MCM4: variants seen among roughly 807,000 people sequenced by gnomAD.
MCM4 encodes minichromosome maintenance complex component 4, also known as DNA replication licensing factor MCM4.
In MCM4, 60 loss-of-function variants were observed where a neutral mutation model predicts 88.7. The ratio of observed to expected loss-of-function variants is 0.68; its 90% confidence interval spans 0.55 to 0.84. The LOEUF is 0.84. MCM4 is among the 40% of genes least tolerant of loss of function. The pLI, the probability that MCM4 is intolerant of heterozygous loss-of-function variation, is 0.00. For missense variants in MCM4, 1,149 were observed against 1,105.5 expected (o/e 1.04, Z -0.56); for synonymous variants, 465 against 410.5 (o/e 1.13, Z -1.61).
At chr8:47,961,744 G>T in intron 3 of MCM4, 64 bp downstream of exon 3, 2 of 1,531,248 alleles carry the variant, frequency 1.3e-6, no homozygotes, top group Non-Finnish European at 1.8e-6. Context: ...ATCTGCTCAG[G>T]TTTACTGGCT....
In MCM4 at chr8:47,961,757, A is replaced by T. The variant is rs17334312; in HGVS notation, c.235+77A>T. 6 of 1,509,972 alleles carry T rather than the reference A, an allele frequency of 4.0e-6. No homozygotes were observed. The Admixed American group carries it at 6.3e-5, about 16-fold the overall frequency. 93.5% of individuals were successfully genotyped at this position (1,509,972 alleles called of 1,614,324 possible). A position where few individuals can be genotyped will look rare whatever the true frequency, so the allele number is the denominator to read the frequency against. ...TTATCTGCTCAGGTTTACTGGCTTTATAACAGTTGGCATAACGCCTAAAGC... is the reference window on the plus strand; with the variant it reads ...TTATCTGCTCAGGTTTACTGGCTTTTTAACAGTTGGCATAACGCCTAAAGC... On this transcript the variant is annotated intron_variant, in intron 3 of 16. Transcript: ENST00000649973.
rs1444976372 is a variant in MCM4 at position 47,976,959 on chromosome 8, A to G, written c.*181A>G. On this transcript the variant is annotated 3_prime_UTR_variant, in exon 17 of 17. Coordinates refer to ENST00000649973, the MANE Select transcript of MCM4 (RefSeq NM_182746.3). ...TGAAGTATCTGTTTTCATTTTTTTC[A>G]CGTTATAAATAAAAATACTATGCTG... 6.0e-6 allele frequency: 3 copies of G among 502,376 alleles called. No individual in the cohort carries two copies. Among genetic ancestry groups the G allele is most frequent in the Non-Finnish European group, 1.1e-5 (3 of 276,938 alleles). 31.1% of individuals were successfully genotyped at this position (502,376 alleles called of 1,614,324 possible).
At position 47,961,565 on chromosome 8, in the gene MCM4, G is replaced by A. The variant is rs2090835772; in HGVS notation, c.120G>A (p.Glu40=). The change falls in exon 3 of 17, where the codon GAG becomes GAA. Residue 40 remains glutamate (E), a synonymous_variant. Coordinates refer to ENST00000649973, the MANE Select transcript of MCM4 (RefSeq NM_182746.3). ...RSSPSQRRRG[E]DSTSTGELQP... ...CTCCCTCTCAGAGACGTAGAGGCGA[G>A]GATTCCACCTCCACGGGGGAGTTGC... 2 of 1,614,052 alleles carry A rather than the reference G, an allele frequency of 1.2e-6. No individual in the cohort carries two copies. Among genetic ancestry groups the A allele is most frequent in the Non-Finnish European group, 1.7e-6 (2 of 1,180,042 alleles).
At position 47,966,289 on chromosome 8, in the gene MCM4, C is replaced by A; in HGVS notation, c.935C>A (p.Thr312Lys). 1.9e-6 allele frequency: 3 copies of A among 1,614,102 alleles called. No individual in the cohort carries two copies. Among genetic ancestry groups the A allele is most frequent in the Non-Finnish European group, 2.5e-6 (3 of 1,180,038 alleles). ...TTCCAGTGCCAAGTGTGTGCCCACA[C>A]GACCCGGGTGGAGATGGACCGCGGC... Reference protein sequence around the residue: ...AFFQCQVCAHTTRVEMDRGRI... With the variant: ...AFFQCQVCAHKTRVEMDRGRI... The change falls in exon 9 of 17, where the codon ACG becomes AAG. Residue 312 changes from threonine to lysine, a missense_variant. Transcript: ENST00000649973.
chr8:47,975,440 T>C (rs2090993136), intron 15 of MCM4: 1 of 218,512 alleles, frequency 4.6e-6, no homozygotes, highest in African/African-American at 2.3e-5. Context: ...TTCTGTCTCC[T>C]TGACTGTCTG....
At chr8:47,961,268 T>A in intron 2 of MCM4, 54 bp downstream of exon 2, 1 of 1,433,966 alleles carries the variant, frequency 7.0e-7, no homozygotes. Flanking sequence ...CCGTCTGCCC[T>A]CTCGCCGCAG....
chr8:47,974,694 A>G (rs1589834549), intron 14 of MCM4, 40 bp from the exon 15 acceptor site: 6 of 1,528,430 alleles, frequency 3.9e-6, no homozygotes, highest in Admixed American at 1.7e-5. Flanking sequence ...GTTGTCACCA[A>G]GGAGGTTTGC....
intron 16 of MCM4, 77 bp from the exon 17 acceptor site, chr8:47,976,609 T>C (rs1453734068): frequency 8.6e-6 from 9 of 1,043,410 alleles, no homozygotes; most frequent in Non-Finnish European, 8.8e-6. Flanking sequence ...TACTTTAACA[T>C]TATAATTATT....
intron 14 of MCM4, among the ~76,000 whole-genome samples, chr8:47,973,459 A>G (rs2090973806): frequency 6.6e-6 from 1 of 151,524 alleles, no homozygotes; most frequent in Non-Finnish European, 1.5e-5. Flanking sequence ...TGCAGGCGCA[A>G]GCCACCATGC....
chr8:47,976,654 T>C (rs1166995798), intron 16 of MCM4, 32 bp from the exon 17 acceptor site: 23 of 1,485,916 alleles, frequency 1.5e-5, no homozygotes, highest in Non-Finnish European at 2.0e-5. Context: ...ACTTGACGTG[T>C]ACAATATTTA....
chr8:47,964,262 A>G (rs1168944457), intron 7 of MCM4, among the ~76,000 whole-genome samples: 4 of 152,360 alleles, frequency 2.6e-5, no homozygotes, highest in East Asian at 1.9e-4. Context: ...TTACTTTGGT[A>G]TCACTTCATT....
rs2091014147 is a variant in MCM4, at chr8:47,977,805, T to C, written c.*1027T>C. On this transcript the variant is annotated 3_prime_UTR_variant, in exon 17 of 17. Transcript: ENST00000649973. ...TGAGAGGTATGATTCTTTCTAGAGA[T>C]TTTTTCTCATGGCTACTATTAGATC... 1 of 152,058 alleles carries C rather than the reference T, an allele frequency of 6.6e-6. No homozygotes were observed. Among genetic ancestry groups the C allele is most frequent in the Non-Finnish European group, 1.5e-5 (1 of 68,018 alleles). 9.4% of individuals were successfully genotyped at this position (152,058 alleles called of 1,614,324 possible). A position where few individuals can be genotyped will look rare whatever the true frequency, so the allele number is the denominator to read the frequency against.
rs955882228 is a variant in MCM4, at chr8:47,974,671, C to T, written c.2137-63C>T. ...GGAAGCCTAAGTGTTCAAAATTCAC[C>T]CACAAAACTAAAGTTGTCACCAAGG... On this transcript the variant is annotated intron_variant, in intron 14 of 16. Coordinates refer to ENST00000649973, the MANE Select transcript of MCM4 (RefSeq NM_182746.3). The T allele has an allele frequency of 1.7e-5, 22 of 1,329,698 alleles. No individual in the cohort carries two copies. The East Asian group carries it at 4.6e-4, about 28-fold the overall frequency. 82.4% of individuals were successfully genotyped at this position (1,329,698 alleles called of 1,614,324 possible). A position where few individuals can be genotyped will look rare whatever the true frequency, so the allele number is the denominator to read the frequency against.
At chr8:47,969,776 C>A (rs1259259222) in intron 10 of MCM4, 22 bp from the exon 11 acceptor site, 2 of 1,612,112 alleles carry the variant, frequency 1.2e-6, no homozygotes, top group Non-Finnish European at 1.7e-6. Flanking sequence ...GGTAAAAGTG[C>A]ATCTCCTGGT....
intron 3 of MCM4, 85 bp downstream of exon 3, chr8:47,961,765 T>G: frequency 3.4e-6 from 5 of 1,479,086 alleles, no homozygotes; most frequent in Non-Finnish European, 4.6e-6. Flanking sequence ...TTATAACAGT[T>G]GGCATAACGC....
chr8:47,974,786 A>C lies in MCM4; in HGVS notation c.2189A>C (p.Tyr730Ser), dbSNP rs764545051. The C allele has an allele frequency of 1.9e-6, 3 of 1,614,072 alleles. No homozygotes were observed. The African/African-American group carries it at 4.0e-5, about 22-fold the overall frequency. The change falls in exon 15 of 17, where the codon TAC (tyrosine) becomes TCC (serine). Residue 730 changes from tyrosine to serine, a missense_variant. Around this residue, in one of 3 missense-constraint regions of MCM4, gnomAD observed 238 missense variants for 241.6 expected, o/e 0.99. Transcript: ENST00000649973. ...IGSSRGMVSA[Y>S]PRQLESLIRL... ...AGTAGCCGGGGAATGGTTTCTGCAT[A>C]CCCTCGACAGCTAGAGTCATTAATC... is the stretch of plus-strand genomic sequence containing the variant.
At chr8:47,971,793 A>G (rs1473085655) in intron 13 of MCM4, among the ~76,000 whole-genome samples, 1 of 152,210 alleles carries the variant, frequency 6.6e-6, no homozygotes, top group African/African-American at 2.4e-5. Flanking sequence ...AAGTGCAATC[A>G]CATAATCTTC....
chr8:47,963,704 T>C (rs2090869634), intron 7 of MCM4, among the ~76,000 whole-genome samples: 1 of 152,222 alleles, frequency 6.6e-6, no homozygotes, highest in Admixed American at 6.5e-5. Flanking sequence ...TATATTGTAC[T>C]GTAGACTTTT....
rs113011198 is a variant in MCM4, at chr8:47,972,832, C to T, written c.1929-25C>T. 18 of 1,604,690 alleles carry T rather than the reference C, an allele frequency of 1.1e-5. No individual in the cohort carries two copies. In the African/African-American group the frequency reaches 1.3e-4, roughly 12 times the overall value. On this transcript the variant is annotated intron_variant, in intron 13 of 16. Transcript: ENST00000649973. ...TCGGCCTCACAAGGTGCTGGAAAAACAGTATTTTTACTTTGTTTTCTTAGG... is the reference window on the plus strand; with the variant it reads ...TCGGCCTCACAAGGTGCTGGAAAAATAGTATTTTTACTTTGTTTTCTTAGG...
Sources: gnomAD v4.1 joint callset for allele counts (sites outside exome capture counted in the v4.1 genomes callset) on GRCh38, gnomAD v4.1.1 for gene constraint, gnomAD v4.1.1 regional missense constraint, MANE v1.5 for transcripts, NCBI Gene and HGNC (gene_info 2026-07-23, HGNC 2026-07-21) for gene names.